STK36: variants seen among roughly 807,000 people sequenced by gnomAD.
The protein encoded by STK36 is serine/threonine-protein kinase 36.
In STK36, 116 loss-of-function variants were observed where a neutral mutation model predicts 142.2. The ratio of observed to expected loss-of-function variants is 0.82; its 90% CI spans 0.70 to 0.95. The LOEUF (loss-of-function observed/expected upper bound fraction) is 0.95. STK36 is among the 40% of genes least tolerant of loss of function. The probability of loss-of-function intolerance (pLI) is 0.00; values close to 1 mark genes in which losing one functional copy is unlikely to be tolerated. For synonymous variants in STK36, 619 were observed against 641.7 expected (o/e 0.96, Z 0.53); for missense variants, 1,422 against 1,617.2 (o/e 0.88, Z 2.07).
chr2:218,673,046 G>A (rs1354447365), intron 2 of STK36, 133 bp downstream of exon 2: 3 of 742,396 alleles, frequency 4.0e-6, no homozygotes, highest in East Asian at 5.6e-5. Flanking sequence ...TTCTTATGGA[G>A]TATAAGCTTT....
In STK36 at chr2:218,694,492, G is replaced by A; in HGVS notation, c.2401-33G>A. ...CTGTCCTGAATGCCATTTAGATTTG[G>A]ACATTCTTTCTCCTCTTTTACCTCT... On this transcript the variant is annotated intron_variant, in intron 20 of 26. Coordinates refer to ENST00000295709, the MANE Select transcript of STK36 (RefSeq NM_015690.5). The surrounding 1 kb of genome is among the most constrained non-coding windows in gnomAD (Gnocchi z 4.4). 1 of 1,602,828 alleles carries A rather than the reference G, an allele frequency of 6.2e-7. No homozygotes were observed. The highest frequency in any genetic ancestry group is 1.3e-5 in the African/African-American group (1 of 74,832).
intron 10 of STK36, 42 bp downstream of exon 10, chr2:218,680,744 G>A (rs1317450925): frequency 5.2e-6 from 8 of 1,550,688 alleles, no homozygotes; most frequent in South Asian, 1.2e-5. Context: ...TCTTTCATGG[G>A]ATGTTAAGTC....
At chr2:218,692,736 C>T in intron 16 of STK36, 26 bp downstream of exon 16, 2 of 1,600,142 alleles carry the variant, frequency 1.2e-6, no homozygotes, top group Non-Finnish European at 1.7e-6. Flanking sequence ...GGTTGTTCCT[C>T]TCATCCTACT....
chr2:218,682,940 C>T lies in STK36; in HGVS notation c.1237-2145C>T, dbSNP rs115507775. Among the ~76,000 whole-genome samples the T allele has an allele frequency of 5.3e-3, 801 of 152,252 alleles. 7 individuals carry two copies. The highest frequency in any genetic ancestry group is 0.014 in the Admixed American group (214 of 15,288). On this transcript the variant is annotated intron_variant, in intron 10 of 26. Coordinates refer to ENST00000295709, the MANE Select transcript of STK36 (RefSeq NM_015690.5). The stretch of plus-strand genomic sequence containing the variant: ...CTCCTTAGTCTCCTTTAATCTGGAA[C>T]AGTTCTTGTCTTTCTTTGTATTTTA...
chr2:218,692,606 C>T lies in STK36; in HGVS notation c.1939C>T (p.Leu647=), dbSNP rs1243923016. 2 of 1,613,266 alleles carry T rather than the reference C, an allele frequency of 1.2e-6. No homozygotes were observed. Among genetic ancestry groups the T allele is most frequent in the Non-Finnish European group, 1.7e-6 (2 of 1,179,970 alleles). ...PQGAPQVSQP[L]REQSEDIPGA... ...AGGAGCCCCGCAAGTGAGCCAGCCA[C>T]TGCGAGAGCAGAGTGAGGATATACC... Residue 647 remains leucine, a synonymous_variant, in exon 16 of 27, where the codon CTG becomes TTG. Transcript: ENST00000295709.
Position 218,702,132 on chromosome 2 carries a change from T to G in STK36, c.*123T>G. 8.2e-7 allele frequency: 1 copy of G among 1,225,276 alleles called. No individual in the cohort carries two copies. Among genetic ancestry groups the G allele is most frequent in the South Asian group, 1.7e-5 (1 of 57,874 alleles). 75.9% of individuals were successfully genotyped at this position (1,225,276 alleles called of 1,614,324 possible). On this transcript the variant is annotated 3_prime_UTR_variant, in exon 27 of 27. Coordinates refer to ENST00000295709, the MANE Select transcript of STK36 (RefSeq NM_015690.5). ...AAAAGAGATAAGCTGCCAACTCAAC[T>G]GAGAACAAGAAACTAGAAGAGATTT...
intron 26 of STK36, among the ~76,000 whole-genome samples, chr2:218,701,198 G>A (rs1185355428): frequency 2.7e-5 from 4 of 150,116 alleles, no homozygotes; most frequent in Non-Finnish European, 5.9e-5. Flanking sequence ...GCAGTGGCGC[G>A]ATCTTGGCTC....
At chr2:218,672,543 C>A (rs1940033076) in intron 1 of STK36, 198 bp from the exon 2 acceptor site, 2 of 393,032 alleles carry the variant, frequency 5.1e-6, no homozygotes, top group African/African-American at 2.0e-5. Context: ...GAAGGGGAAC[C>A]AGGTGTTAGT....
intron 10 of STK36, among the ~76,000 whole-genome samples, chr2:218,681,709 G>C (rs1467408186): frequency 2.6e-5 from 4 of 152,198 alleles, no homozygotes; most frequent in Non-Finnish European, 1.5e-5. Flanking sequence ...GAGAGGGGAA[G>C]AATGCAGTGT....
Position 218,698,974 on chromosome 2 carries a change from C to T in STK36, c.3430C>T (p.Arg1144Cys), listed in dbSNP as rs570103173. The change falls in exon 26 of 27, where the codon CGT (arginine) becomes TGT (cysteine). Residue 1144 changes from arginine (R) to cysteine (C), a missense_variant. By Grantham distance (180) the Arg-to-Cys change is radical. Around this residue, in one of 2 missense-constraint regions of STK36, gnomAD observed 962 missense variants for 1,167.5 expected, o/e 0.82. Transcript: ENST00000295709. ...GHLLQHSMAL[R>C]GALQSQSGLL... Reference sequence around the variant, plus strand: ...CTTGCTCCAACACAGCATGGCCCTGCGTGGGGCACTGCAGAGCCAGTCTGG... The same window carrying T: ...CTTGCTCCAACACAGCATGGCCCTGTGTGGGGCACTGCAGAGCCAGTCTGG... The T allele has an allele frequency of 1.0e-4, 164 of 1,614,122 alleles. 1 individual carries two copies. The South Asian group carries it at 1.3e-3, about 13-fold the overall frequency.
chr2:218,675,785 A>T (rs755613219), intron 5 of STK36, among the ~76,000 whole-genome samples: 1 of 151,912 alleles, frequency 6.6e-6, no homozygotes, highest in Non-Finnish European at 1.5e-5. Context: ...CGGCCTCCCA[A>T]AGTGCTGGGA....
rs748731447 is a variant in STK36 at position 218,694,360 on chromosome 2, T to A, written c.2400+33T>A. 5 of 1,597,450 alleles carry A rather than the reference T, an allele frequency of 3.1e-6. No homozygotes were observed. The South Asian group carries it at 5.5e-5, about 18-fold the overall frequency. On this transcript the variant is annotated intron_variant, in intron 20 of 26. Coordinates refer to ENST00000295709, the MANE Select transcript of STK36 (RefSeq NM_015690.5). This position sits in a 1 kb window ranked among gnomAD's most constrained non-coding sequence, Gnocchi z 4.4. ...TTTAACCTTCACCCTCCTCCCCTTT[T>A]CACCCTAGCATCTACCCCTTGTGGA...
rs762288523 is a variant in STK36 at position 218,689,954 on chromosome 2, C to T, written c.1656C>T (p.Asp552=). The part of the protein sequence containing the change: ...TFNLERSQTS[D]SLQVFQEAAN... ...ATCTGGAGAGGAGCCAGACAAGTGA[C>T]AGGTAGGATAAGAAGTGCTTTTGCA... is the stretch of plus-strand genomic sequence containing the variant. Residue 552 remains aspartate, a splice_region_variant and synonymous_variant, in exon 13 of 27, where the codon GAC becomes GAT. Coordinates refer to ENST00000295709, the MANE Select transcript of STK36 (RefSeq NM_015690.5). 1.9e-6 allele frequency: 3 copies of T among 1,584,136 alleles called. No homozygotes were observed. The highest frequency in any genetic ancestry group is 2.6e-6 in the Non-Finnish European group (3 of 1,163,300).
intron 11 of STK36, among the ~76,000 whole-genome samples, chr2:218,685,500 T>C (rs1330258491): frequency 6.6e-6 from 1 of 152,098 alleles, no homozygotes; most frequent in Non-Finnish European, 1.5e-5. Flanking sequence ...CAGGCAAAAA[T>C]GGAGGATATT....
intron 6 of STK36, among the ~76,000 whole-genome samples, chr2:218,677,701 TA>T (rs770059174): frequency 2.0e-4 from 30 of 152,192 alleles, no homozygotes; most frequent in Non-Finnish European, 3.4e-4. Context: ...GTTCAGTGAT[TA>T]GGGGCAGATG....
chr2:218,676,356 T>G, intron 6 of STK36, 78 bp downstream of exon 6: 14 of 1,549,374 alleles, frequency 9.0e-6, no homozygotes, highest in Non-Finnish European at 1.2e-5. Flanking sequence ...TTCCAAATCC[T>G]TTTCCAGAGC....
At position 218,697,035 on chromosome 2, in the gene STK36, C is replaced by T. The variant is rs1317275905; in HGVS notation, c.2587-4C>T. The T allele has an allele frequency of 2.5e-6, 4 of 1,613,388 alleles. No individual in the cohort carries two copies. Among genetic ancestry groups the T allele is most frequent in the Non-Finnish European group, 3.4e-6 (4 of 1,179,754 alleles). On this transcript the variant is annotated splice_polypyrimidine_tract_variant and splice_region_variant and intron_variant, in intron 22 of 26. Transcript: ENST00000295709. ...CCCCCGCCCTCTTTCACTTTTATCT[C>T]TAGCAGGGGAAGGCTAGCCTAATCA...
chr2:218,681,251 T>C (rs1940508934), intron 10 of STK36, among the ~76,000 whole-genome samples: 1 of 151,592 alleles, frequency 6.6e-6, no homozygotes, highest in Non-Finnish European at 1.5e-5. Flanking sequence ...CCTCAGCCTC[T>C]TGAGTAGTGG....
intron 11 of STK36, 132 bp downstream of exon 11, chr2:218,685,360 G>A (rs1940731190): frequency 8.1e-7 from 1 of 1,231,612 alleles, no homozygotes; most frequent in Admixed American, 2.6e-5. Context: ...TTAGTTTGAG[G>A]AGGTTTACCA....
Sources: gnomAD v4.1 joint callset for allele counts (sites outside exome capture counted in the v4.1 genomes callset) on GRCh38, gnomAD v4.1.1 for gene constraint, gnomAD v4.1.1 regional missense constraint, Gnocchi (gnomAD v3.1) non-coding constraint, MANE v1.5 for transcripts, NCBI Gene and HGNC (gene_info 2026-07-23, HGNC 2026-07-21) for gene names.